TMEM244: variants seen among roughly 807,000 people sequenced by gnomAD.
The protein encoded by TMEM244 is putative transmembrane protein 244.
In TMEM244, 13 loss-of-function variants were observed where a neutral mutation model predicts 15.8. The observed-to-expected ratio is 0.82, with a 90% CI of 0.53 to 1.30. TMEM244 has a LOEUF of 1.30. TMEM244 is among the 50% of genes most tolerant of loss of function. The pLI is 0.00. For synonymous variants in TMEM244, 45 were observed against 48.7 expected (o/e 0.92, Z 0.32); for missense variants, 161 against 144.9 (o/e 1.11, Z -0.57).
At chr6:129,846,856 G>A (rs1332789605) in intron 1 of TMEM244, among the ~76,000 whole-genome samples, 1 of 152,154 alleles carries the variant, frequency 6.6e-6, no homozygotes, top group African/African-American at 2.4e-5. Context: ...CTCTTCCACA[G>A]CTGAGACCTA....
chr6:129,841,068 TA>T (rs1341709321), intron 3 of TMEM244, among the ~76,000 whole-genome samples: 17 of 152,170 alleles, frequency 1.1e-4, no homozygotes, highest in African/African-American at 4.1e-4. Flanking sequence ...CCAATCCCAT[TA>T]CTGGGCATAT....
intron 1 of TMEM244, among the ~76,000 whole-genome samples, chr6:129,853,018 G>A (rs1466446080): frequency 6.6e-6 from 1 of 152,122 alleles, no homozygotes; most frequent in Non-Finnish European, 1.5e-5. Context: ...AAACAAATGA[G>A]CACCCACAGC....
chr6:129,852,469 G>T (rs548087942), intron 1 of TMEM244, among the ~76,000 whole-genome samples: 11 of 152,224 alleles, frequency 7.2e-5, no homozygotes, highest in African/African-American at 2.6e-4. Context: ...ACAGAAGCTG[G>T]CACTTCGCCT....
At chr6:129,842,155 T>C (rs915855526) in intron 3 of TMEM244, among the ~76,000 whole-genome samples, 1 of 152,174 alleles carries the variant, frequency 6.6e-6, no homozygotes, top group Non-Finnish European at 1.5e-5. Flanking sequence ...CCCATAAGCC[T>C]GTGATATTGC....
intron 1 of TMEM244, among the ~76,000 whole-genome samples, chr6:129,848,318 A>T (rs1776589354): frequency 6.6e-6 from 1 of 152,194 alleles, no homozygotes; most frequent in Non-Finnish European, 1.5e-5. Flanking sequence ...CCGCAAACAG[A>T]CTTCCCATTA....
intron 1 of TMEM244, among the ~76,000 whole-genome samples, chr6:129,854,198 C>A (rs1268435304): frequency 1.3e-5 from 2 of 152,110 alleles, no homozygotes; most frequent in Non-Finnish European, 2.9e-5. Flanking sequence ...TGGTTCCTGG[C>A]ACACAGTAGG....
At chr6:129,833,116 T>C (rs57796584) in intron 4 of TMEM244, among the ~76,000 whole-genome samples, 33,864 of 152,106 alleles carry the variant, frequency 0.22, 4,632 homozygotes, top group African/African-American at 0.38. Context: ...CCAATGTTAA[T>C]TTATTAGTTT....
intron 3 of TMEM244, among the ~76,000 whole-genome samples, chr6:129,835,942 G>A (rs1297539979): frequency 6.6e-6 from 1 of 152,242 alleles, no homozygotes; most frequent in Non-Finnish European, 1.5e-5. Flanking sequence ...CCACAGCTCA[G>A]CAAGGCCTAC....
At chr6:129,840,048 A>G (rs1405329231) in intron 3 of TMEM244, among the ~76,000 whole-genome samples, 1 of 152,130 alleles carries the variant, frequency 6.6e-6, no homozygotes, top group Non-Finnish European at 1.5e-5. Flanking sequence ...CAAGCTACCA[A>G]TGACTTTCTT....
In TMEM244 at chr6:129,854,388, T is replaced by C. The variant is rs541669105; in HGVS notation, c.33+6768A>G. ...TGCTGCACAGTGAGAGAGTCACCAA[T>C]CAGGAGATAATTATCAAGTGTTGAC... On this transcript the variant is annotated intron_variant, in intron 1 of 4. Transcript: ENST00000368143. Among the ~76,000 whole-genome samples, 48 of 152,130 alleles carry C rather than the reference T, an allele frequency of 3.2e-4. 1 individual carries two copies. Among genetic ancestry groups the C allele is most frequent in the Non-Finnish European group, 5.4e-4 (37 of 68,038 alleles).
At chr6:129,849,100 A>T (rs1776602124) in intron 1 of TMEM244, among the ~76,000 whole-genome samples, 2 of 152,108 alleles carry the variant, frequency 1.3e-5, no homozygotes. Context: ...CCATTTTTTA[A>T]TTAAATTATA....
intron 1 of TMEM244, among the ~76,000 whole-genome samples, chr6:129,850,357 AG>A (rs1394353174): frequency 3.3e-5 from 5 of 152,208 alleles, no homozygotes; most frequent in African/African-American, 1.2e-4. Flanking sequence ...ATTATAGACT[AG>A]AGAGGGGCCA....
At chr6:129,857,798 TTA>T (rs540005436) in intron 1 of TMEM244, among the ~76,000 whole-genome samples, 5 of 149,434 alleles carry the variant, frequency 3.3e-5, no homozygotes, top group African/African-American at 2.4e-5. Flanking sequence ...GTGTGGTTTT[TTA>T]TATATATATA....
intron 3 of TMEM244, among the ~76,000 whole-genome samples, chr6:129,837,262 C>T (rs7449999): frequency 0.37 from 56,640 of 151,888 alleles, 11,063 homozygotes; most frequent in South Asian, 0.5. Flanking sequence ...AGAGTGGGGG[C>T]CAATATTCAA....
At chr6:129,840,430 C>G (rs1318484123) in intron 3 of TMEM244, among the ~76,000 whole-genome samples, 1 of 152,108 alleles carries the variant, frequency 6.6e-6, no homozygotes, top group African/African-American at 2.4e-5. Context: ...AAAATTAACT[C>G]AAGATGGATA....
intron 3 of TMEM244, among the ~76,000 whole-genome samples, chr6:129,840,548 G>T (rs1002431226): frequency 6.6e-6 from 1 of 152,148 alleles, no homozygotes; most frequent in Non-Finnish European, 1.5e-5. Context: ...AACCCCAAAA[G>T]CAATGGCAAC....
chr6:129,842,380 A>C (rs17396328), intron 3 of TMEM244, among the ~76,000 whole-genome samples: 22,545 of 152,196 alleles, frequency 0.15, 1,826 homozygotes, highest in South Asian at 0.24. Context: ...CTCAGAATCG[A>C]AGTATCTTGT....
chr6:129,837,279 TAAAGA>T (rs1411098962), intron 3 of TMEM244, among the ~76,000 whole-genome samples: 1 of 152,124 alleles, frequency 6.6e-6, no homozygotes, highest in African/African-American at 2.4e-5. Context: ...TCAACATTCT[TAAAGA>T]AAAGAATTTT....
intron 1 of TMEM244, among the ~76,000 whole-genome samples, chr6:129,846,548 A>G (rs1776563150): frequency 6.6e-6 from 1 of 152,208 alleles, no homozygotes; most frequent in South Asian, 2.1e-4. Context: ...TTAATGCAAT[A>G]TACAAATCCA....
Sources: allele counts gnomAD v4.1 joint callset (sites outside exome capture counted in the v4.1 genomes callset), GRCh38; gene constraint gnomAD v4.1.1; transcripts MANE v1.5; gene names NCBI Gene and HGNC (gene_info 2026-07-23, HGNC 2026-07-21).